Variants in PCDH15 observed in about 807,000 individuals in gnomAD.
PCDH15 encodes protocadherin-15.
In PCDH15, 129 loss-of-function variants were observed where a neutral mutation model predicts 178.5. The ratio of observed to expected loss-of-function variants is 0.72; its 90% CI spans 0.63 to 0.84. The LOEUF is 0.84. Ranked by LOEUF, PCDH15 falls within the 40% of genes least tolerant of loss-of-function variation. The probability of loss-of-function intolerance (pLI) is 0.00; values close to 1 mark genes in which losing one functional copy is unlikely to be tolerated. For synonymous variants in PCDH15, 800 were observed against 732.0 expected (o/e 1.09, Z -1.50); for missense variants, 2,230 against 2,099.9 (o/e 1.06, Z -1.21).
chr10:54,218,640 C>T (rs187408962), intron 9 of PCDH15, among the ~76,000 whole-genome samples: 276 of 152,248 alleles, frequency 1.8e-3, no homozygotes, highest in Admixed American at 3.5e-3. Flanking sequence ...TGATCTCAGG[C>T]CTCCAGAACT....
chr10:54,908,246 G>T (rs551732860), intron 2 of PCDH15, among the ~76,000 whole-genome samples: 10 of 152,312 alleles, frequency 6.6e-5, no homozygotes, highest in Admixed American at 3.3e-4. Context: ...ATGGGGTTCA[G>T]TTATAGTGCA....
At chr10:54,116,447 T>C (rs1390216776) in intron 15 of PCDH15, among the ~76,000 whole-genome samples, 1 of 152,212 alleles carries the variant, frequency 6.6e-6, no homozygotes, top group Non-Finnish European at 1.5e-5. Flanking sequence ...ATTTTGTTGT[T>C]GTTGCTTTGT....
chr10:54,231,193 T>C (rs2054023516), intron 9 of PCDH15, among the ~76,000 whole-genome samples: 1 of 152,230 alleles, frequency 6.6e-6, no homozygotes, highest in South Asian at 2.1e-4. Flanking sequence ...ACGGCTCCAC[T>C]GCCCTGTGCA....
At chr10:54,260,759 G>A (rs867370241) in intron 8 of PCDH15, among the ~76,000 whole-genome samples, 3 of 151,708 alleles carry the variant, frequency 2.0e-5, no homozygotes, top group Non-Finnish European at 2.9e-5. Flanking sequence ...GTAGTACTAC[G>A]ACTACTACTA....
intron 1 of PCDH15, among the ~76,000 whole-genome samples, chr10:55,205,775 C>T (rs553093059): frequency 1.3e-5 from 2 of 151,952 alleles, no homozygotes; most frequent in African/African-American, 2.4e-5. Context: ...GCCGTTTTCA[C>T]GCTGCTGATA....
chr10:54,280,402 T>A (rs1237827985), intron 8 of PCDH15, among the ~76,000 whole-genome samples: 1 of 151,676 alleles, frequency 6.6e-6, no homozygotes, highest in African/African-American at 2.4e-5. Flanking sequence ...CTGCTTCATA[T>A]TTCCTTCTCT....
In PCDH15 at chr10:54,066,771, C is replaced by A; in HGVS notation, c.2206G>T (p.Val736Leu). ...SVVEEEANAF[V>L]GQVKATDPDA... ...ATTCCACTTACTTTTACTTGACCCACAAAGGCATTGGCTTCTTCTTCCACC... is the reference window on the plus strand; with the variant it reads ...ATTCCACTTACTTTTACTTGACCCAAAAAGGCATTGGCTTCTTCTTCCACC... Residue 736 changes from valine (V) to leucine (L), a missense_variant, in exon 18 of 38, where the codon GTG becomes TTG. Val to Leu is a conservative substitution (Grantham distance 32, BLOSUM62 1). Transcript: ENST00000644397. 6.2e-7 allele frequency: 1 copy of A among 1,613,366 alleles called. No individual in the cohort carries two copies. Among genetic ancestry groups the A allele is most frequent in the East Asian group, 2.2e-5 (1 of 44,768 alleles).
chr10:55,547,104 AC>A (rs1402514281), intron 2 of PCDH15, among the ~76,000 whole-genome samples: 3 of 152,138 alleles, frequency 2.0e-5, no homozygotes, highest in Non-Finnish European at 4.4e-5. Context: ...TGGCTCTAGT[AC>A]CCACTGGGAT....
intron 2 of PCDH15, among the ~76,000 whole-genome samples, chr10:55,025,438 G>C (rs772845270): frequency 6.6e-6 from 1 of 151,996 alleles, no homozygotes; most frequent in Non-Finnish European, 1.5e-5. Flanking sequence ...CATAGTTTTT[G>C]TTTCATTTTA....
chr10:54,619,838 A>T (rs2093298807), intron 2 of PCDH15, among the ~76,000 whole-genome samples: 1 of 151,978 alleles, frequency 6.6e-6, no homozygotes. Context: ...TAAATCTGGG[A>T]CTGGGCTTCT....
intron 2 of PCDH15, among the ~76,000 whole-genome samples, chr10:54,617,888 A>C (rs1054158515): frequency 6.6e-6 from 1 of 150,590 alleles, no homozygotes; most frequent in Admixed American, 6.7e-5. Context: ...TCGCCACTGC[A>C]GTCCATCCTG....
chr10:54,730,099 A>T (rs985167230), intron 1 of PCDH15, among the ~76,000 whole-genome samples: 1 of 151,568 alleles, frequency 6.6e-6, no homozygotes, highest in Non-Finnish European at 1.5e-5. Flanking sequence ...ACATGCATGC[A>T]TATGTTCACT....
At chr10:53,901,394 T>C (rs1341919224) in intron 26 of PCDH15, among the ~76,000 whole-genome samples, 2 of 152,128 alleles carry the variant, frequency 1.3e-5, no homozygotes, top group African/African-American at 4.8e-5. Flanking sequence ...CCATGTATGA[T>C]TCATCGGCAA....
At chr10:55,155,543 T>C (rs1051518762) in intron 2 of PCDH15, among the ~76,000 whole-genome samples, 2 of 149,506 alleles carry the variant, frequency 1.3e-5, no homozygotes, top group African/African-American at 4.9e-5. Flanking sequence ...AAAAATATCA[T>C]AGATCAGAAA....
intron 22 of PCDH15, 23 bp downstream of exon 22, chr10:53,961,729 A>G: frequency 3.2e-6 from 5 of 1,583,782 alleles, no homozygotes; most frequent in Non-Finnish European, 4.3e-6. Flanking sequence ...CAAATAGACC[A>G]CATAATGAAA....
At chr10:55,571,433 A>G (rs1319248626) in intron 2 of PCDH15, among the ~76,000 whole-genome samples, 2 of 152,130 alleles carry the variant, frequency 1.3e-5, no homozygotes, top group African/African-American at 4.8e-5. Flanking sequence ...TGAGCACATT[A>G]GTTCTCATAC....
intron 2 of PCDH15, among the ~76,000 whole-genome samples, chr10:55,500,888 C>T (rs1309555813): frequency 6.6e-6 from 1 of 151,714 alleles, no homozygotes; most frequent in Admixed American, 6.6e-5. Context: ...TTATATGACA[C>T]AGTGCCTCAA....
At chr10:53,825,052 A>T in intron 32 of PCDH15, 1 of 1,398,910 alleles carries the variant, frequency 7.1e-7, no homozygotes, top group East Asian at 2.8e-5. Flanking sequence ...AGATCACTGT[A>T]TTTACAGTAC....
In PCDH15 at chr10:53,866,704, T is replaced by G; in HGVS notation, c.3655A>C (p.Lys1219Gln). ...LFHNMRRSYFKFQVIATDDYG... is the reference protein window; with the variant it reads ...LFHNMRRSYFQFQVIATDDYG... ...TCGTCAGTTGCAATAACTTGAAACT[T>G]GAAGTAGGATCTCCTCATATTATGG... is the stretch of plus-strand genomic sequence containing the variant. Residue 1219 changes from lysine to glutamine, a missense_variant, in exon 27 of 38, where the codon AAG (lysine) becomes CAG (glutamine). Physicochemically the swap from Lys to Gln is moderately conservative, Grantham distance 53. Transcript: ENST00000644397. 2.5e-6 allele frequency: 4 copies of G among 1,613,636 alleles called. No homozygotes were observed. The highest frequency in any genetic ancestry group is 3.4e-6 in the Non-Finnish European group (4 of 1,179,690).
Sources: allele counts gnomAD v4.1 joint callset (sites outside exome capture counted in the v4.1 genomes callset), GRCh38; gene constraint gnomAD v4.1.1; transcripts MANE v1.5; gene names NCBI Gene and HGNC (gene_info 2026-07-23, HGNC 2026-07-21).